The following NIT2 variants were observed in gnomAD, a reference collection of about 807,000 sequenced individuals.
The protein encoded by NIT2 is omega-amidase NIT2.
A neutral mutation model predicts 42.7 loss-of-function variants in NIT2; 46 were observed. That is an observed-to-expected ratio of 1.08 (90% CI 0.85 to 1.38). The LOEUF (loss-of-function observed/expected upper bound fraction) is 1.38. Among genes scored for constraint, NIT2 ranks in the 40% most tolerant of loss-of-function variants. The pLI, the probability that NIT2 is intolerant of heterozygous loss-of-function variation, is 0.00. For missense variants in NIT2, 309 were observed against 342.5 expected (o/e 0.90, Z 0.77); for synonymous variants, 123 against 121.9 (o/e 1.01, Z -0.06).
At chr3:100,335,067 AC>A (rs1272118390) in intron 1 of NIT2, 1 of 495,036 alleles carries the variant, frequency 2.0e-6, no homozygotes, top group East Asian at 7.5e-5. Context: ...GTCCTGCTTG[AC>A]AGAGGCTGAT....
chr3:100,336,251 A>AT (rs1432084842), intron 1 of NIT2, among the ~76,000 whole-genome samples: 2 of 152,118 alleles, frequency 1.3e-5, no homozygotes, highest in Non-Finnish European at 2.9e-5. Context: ...CCCAAAAGAG[A>AT]TAGCTCTCTA....
intron 8 of NIT2, among the ~76,000 whole-genome samples, chr3:100,353,900 C>G (rs555957197): frequency 2.0e-5 from 3 of 152,028 alleles, no homozygotes; most frequent in African/African-American, 7.2e-5. Flanking sequence ...CCTCAGCCTC[C>G]GAGTAGCTGA....
rs1182284352 is a variant in NIT2, at chr3:100,360,254, G to C, written c.*4986G>C. The C allele has an allele frequency of 6.6e-6, 1 of 152,212 alleles. No individual in the cohort carries two copies. The highest frequency in any genetic ancestry group is 1.5e-5 in the Non-Finnish European group (1 of 68,064). The allele number at this position is 152,212 out of a possible 1,614,324, so 9.4% of individuals were successfully genotyped here. ...ACGTGATGTAACTTCATATGCTGTA[G>C]AGCTGAATATTCATTTACTTAAGAT... On this transcript the variant is annotated 3_prime_UTR_variant, in exon 10 of 10. Transcript: ENST00000394140.
At position 100,359,281 on chromosome 3, in the gene NIT2, A is replaced by G. The variant is rs1706351715; in HGVS notation, c.*4013A>G. On this transcript the variant is annotated 3_prime_UTR_variant, in exon 10 of 10. Coordinates refer to ENST00000394140, the MANE Select transcript of NIT2 (RefSeq NM_020202.5). ...GGTGGGCAGGGTCCAGTAATTCCAA[A>G]TGTTGTCATCCTAGCTCTTCCTGAA... 6.6e-6 allele frequency: 1 copy of G among 152,206 alleles called. No individual in the cohort carries two copies. Among genetic ancestry groups the G allele is most frequent in the African/African-American group, 2.4e-5 (1 of 41,442 alleles). 9.4% of individuals were successfully genotyped at this position (152,206 alleles called of 1,614,324 possible).
At chr3:100,341,313 A>T (rs572871996) in intron 4 of NIT2, 152 bp downstream of exon 4, 1 of 598,316 alleles carries the variant, frequency 1.7e-6, no homozygotes, top group South Asian at 2.2e-5. Flanking sequence ...ATTCTTGGCC[A>T]TTTGCATTTT....
chr3:100,350,595 G>C (rs1706263553), intron 7 of NIT2, among the ~76,000 whole-genome samples: 1 of 152,182 alleles, frequency 6.6e-6, no homozygotes, highest in African/African-American at 2.4e-5. Flanking sequence ...GTGCATGGTA[G>C]GATGTTTAGC....
At position 100,341,053 on chromosome 3, in the gene NIT2, G is replaced by T; in HGVS notation, c.248-20G>T. Reference sequence around the variant, plus strand: ...TGCTCTATTCTTTTTCTTATGGTATGTTTCTTCTCTCAATGAAAGGCTCTA... The same window carrying T: ...TGCTCTATTCTTTTTCTTATGGTATTTTTCTTCTCTCAATGAAAGGCTCTA... On this transcript the variant is annotated intron_variant, in intron 3 of 9. Coordinates refer to ENST00000394140, the MANE Select transcript of NIT2 (RefSeq NM_020202.5). 6.5e-7 allele frequency: 1 copy of T among 1,540,286 alleles called. No individual in the cohort carries two copies. The highest frequency in any genetic ancestry group is 9.0e-7 in the Non-Finnish European group (1 of 1,112,984).
chr3:100,355,917 C>T lies in NIT2; in HGVS notation c.*649C>T, dbSNP rs1055001050. 2.0e-5 allele frequency: 3 copies of T among 152,208 alleles called. No homozygotes were observed. The highest frequency in any genetic ancestry group is 2.9e-5 in the Non-Finnish European group (2 of 68,056). The allele number at this position is 152,208 out of a possible 1,614,324, so 9.4% of individuals were successfully genotyped here. A position where few individuals can be genotyped will look rare whatever the true frequency, so the allele number is the denominator to read the frequency against. The stretch of plus-strand genomic sequence containing the variant: ...AGTGAAGACAATTTAGTATGAATGT[C>T]TGCAAAAGATTTTTTTGATAGCGTT... On this transcript the variant is annotated 3_prime_UTR_variant, in exon 10 of 10. Transcript: ENST00000394140.
intron 3 of NIT2, among the ~76,000 whole-genome samples, chr3:100,340,580 A>G (rs921815265): frequency 3.9e-5 from 6 of 152,238 alleles, no homozygotes; most frequent in Non-Finnish European, 8.8e-5. Context: ...AAGGCAAAGC[A>G]AGAAGCCTGG....
intron 8 of NIT2, among the ~76,000 whole-genome samples, chr3:100,353,647 T>C (rs1706295316): frequency 6.6e-6 from 1 of 152,218 alleles, no homozygotes; most frequent in Non-Finnish European, 1.5e-5. Context: ...CAAAAGTCTG[T>C]CTGTGGCTAT....
At chr3:100,343,006 G>A (rs977576228) in intron 4 of NIT2, among the ~76,000 whole-genome samples, 110 of 148,930 alleles carry the variant, frequency 7.4e-4, no homozygotes, top group African/African-American at 2.6e-3. Flanking sequence ...ATAGAATTTT[G>A]GATTGATAGT....
Position 100,360,084 on chromosome 3 carries a change from T to A in NIT2, c.*4816T>A, listed in dbSNP as rs1706364437. The A allele has an allele frequency of 6.6e-6, 1 of 152,222 alleles. No individual in the cohort carries two copies. Among genetic ancestry groups the A allele is most frequent in the Admixed American group, 6.5e-5 (1 of 15,274 alleles). The allele number at this position is 152,222 out of a possible 1,614,324, so 9.4% of individuals were successfully genotyped here. ...ATGTTCATCTTTTTATGGCTAACCC[T>A]CACCATCATGAGTGCTTAGTAAATG... On this transcript the variant is annotated 3_prime_UTR_variant, in exon 10 of 10. Transcript: ENST00000394140.
intron 4 of NIT2, among the ~76,000 whole-genome samples, chr3:100,343,884 G>A (rs1225491502): frequency 1.3e-5 from 2 of 152,184 alleles, no homozygotes; most frequent in African/African-American, 4.8e-5. Flanking sequence ...ATTATATATT[G>A]TAGAGATTCA....
intron 2 of NIT2, among the ~76,000 whole-genome samples, chr3:100,339,506 CT>C (rs1322850094): frequency 8.5e-5 from 13 of 152,130 alleles, no homozygotes; most frequent in African/African-American, 3.1e-4. Flanking sequence ...TACTTTGTTC[CT>C]TATTTAACTA....
intron 4 of NIT2, among the ~76,000 whole-genome samples, chr3:100,342,074 A>G (rs1706162403): frequency 1.3e-5 from 2 of 152,192 alleles, no homozygotes; most frequent in South Asian, 4.1e-4. Flanking sequence ...ATTTAGTATC[A>G]TTAAGTCTTC....
chr3:100,335,038 C>T, intron 1 of NIT2: 1 of 524,590 alleles, frequency 1.9e-6, no homozygotes. Flanking sequence ...GGCCACCCGG[C>T]CGCGCCGGCA....
intron 7 of NIT2, among the ~76,000 whole-genome samples, chr3:100,351,079 G>A (rs1489424242): frequency 6.6e-6 from 1 of 151,994 alleles, no homozygotes; most frequent in African/African-American, 2.4e-5. Flanking sequence ...GTGTATATGT[G>A]CCACATTTTC....
At chr3:100,338,214 C>CA (rs1368720931) in intron 1 of NIT2, among the ~76,000 whole-genome samples, 1 of 152,214 alleles carries the variant, frequency 6.6e-6, no homozygotes, top group Non-Finnish European at 1.5e-5. Flanking sequence ...CTCCTTGCTC[C>CA]AGGGCTGAGC....
intron 6 of NIT2, 151 bp downstream of exon 6, chr3:100,346,406 T>C (rs886483722): frequency 4.6e-6 from 3 of 645,168 alleles, no homozygotes; most frequent in East Asian, 2.8e-5. Flanking sequence ...TCCCAGACTT[T>C]TGCTGTGTAT....
Sources: allele counts gnomAD v4.1 joint callset (sites outside exome capture counted in the v4.1 genomes callset), GRCh38; gene constraint gnomAD v4.1.1; transcripts MANE v1.5; gene names NCBI Gene and HGNC (gene_info 2026-07-23, HGNC 2026-07-21).